Variants in FAM171A1 observed in about 807,000 individuals in gnomAD.
FAM171A1 encodes family with sequence similarity 171 member A1.
In FAM171A1, 23 loss-of-function variants were observed where a neutral mutation model predicts 74.9. The ratio of observed to expected loss-of-function variants is 0.31; its 90% CI spans 0.22 to 0.44. The LOEUF (loss-of-function observed/expected upper bound fraction) is 0.44, where lower values mean the gene tolerates loss of function less well. Ranked by LOEUF, FAM171A1 falls within the 20% of genes least tolerant of loss-of-function variation. The pLI, the probability that FAM171A1 is intolerant of heterozygous loss-of-function variation, is 1.00. For missense variants in FAM171A1, 1,162 were observed against 1,159.2 expected (o/e 1.00, Z -0.03); for synonymous variants, 527 against 505.7 (o/e 1.04, Z -0.57).
rs1835695351 is a variant in FAM171A1 at position 15,336,009 on chromosome 10, A to G, written c.97+34947T>C. On this transcript the variant is annotated intron_variant, in intron 1 of 7. Transcript: ENST00000378116. ...TGCAAGTGACCTCAGATTTTTTTTT[A>G]ACCCAATAATCAGGAACTTAATACA... Among the ~76,000 whole-genome samples, 3 of 152,038 alleles carry G rather than the reference A, an allele frequency of 2.0e-5. No individual in the cohort carries two copies. The South Asian group carries it at 6.2e-4, about 32-fold the overall frequency.
At chr10:15,251,932 C>G (rs533961180) in intron 4 of FAM171A1, among the ~76,000 whole-genome samples, 4 of 152,102 alleles carry the variant, frequency 2.6e-5, no homozygotes, top group Non-Finnish European at 5.9e-5. Flanking sequence ...CTGGCCCAAG[C>G]GAGGAGAGGA....
intron 1 of FAM171A1, among the ~76,000 whole-genome samples, chr10:15,369,876 G>A (rs1475614285): frequency 2.6e-5 from 4 of 152,210 alleles, no homozygotes; most frequent in Admixed American, 2.6e-4. Flanking sequence ...CCTCGGGCTC[G>A]GAATCCCGGG....
At chr10:15,240,372 C>CAT (rs1554833056) in intron 5 of FAM171A1, among the ~76,000 whole-genome samples, 5 of 151,884 alleles carry the variant, frequency 3.3e-5, no homozygotes, top group Non-Finnish European at 5.9e-5. Flanking sequence ...CACACACACA[C>CAT]ATAAAATTAT....
At chr10:15,248,515 G>T in intron 5 of FAM171A1, 124 bp downstream of exon 5, 2 of 1,004,602 alleles carry the variant, frequency 2.0e-6, no homozygotes, top group Non-Finnish European at 1.4e-6. Context: ...ACCACACAAT[G>T]CAATGTGAGC....
At chr10:15,266,866 CAAA>C (rs1156974565) in intron 3 of FAM171A1, among the ~76,000 whole-genome samples, 1 of 55,230 alleles carries the variant, frequency 1.8e-5, no homozygotes, top group Non-Finnish European at 3.8e-5. Flanking sequence ...GAGACTGTTT[CAAA>C]AAAAAAAAAA....
chr10:15,228,158 T>A (rs1405448839), intron 5 of FAM171A1, among the ~76,000 whole-genome samples: 4 of 152,108 alleles, frequency 2.6e-5, no homozygotes, highest in South Asian at 2.1e-4. Flanking sequence ...TTACTCTGCC[T>A]GGAAACTCCC....
chr10:15,307,399 T>C (rs977707175), intron 1 of FAM171A1, among the ~76,000 whole-genome samples: 3 of 151,830 alleles, frequency 2.0e-5, no homozygotes, highest in Non-Finnish European at 4.4e-5. Context: ...AATCACTGCA[T>C]TTTGGAAGGT....
intron 1 of FAM171A1, among the ~76,000 whole-genome samples, chr10:15,318,231 C>A (rs930015555): frequency 6.6e-6 from 1 of 152,106 alleles, no homozygotes; most frequent in African/African-American, 2.4e-5. Flanking sequence ...TAGCAGGAGC[C>A]GGAAATTTTT....
chr10:15,372,698 CAAAAA>C (rs59712649), upstream of FAM171A1, among the ~76,000 whole-genome samples: 4 of 88,702 alleles, frequency 4.5e-5, no homozygotes, highest in South Asian at 4.9e-4. Flanking sequence ...GACCCCGTCT[CAAAAA>C]AAAAAAAAAA....
Position 15,270,753 on chromosome 10 carries a change from C to A in FAM171A1, c.418+5102G>T, listed in dbSNP as rs190661013. On this transcript the variant is annotated intron_variant, in intron 3 of 7. Transcript: ENST00000378116. Reference sequence around the variant, plus strand: ...TGTTCTGCAGCCTCCGCTGGTGATACCCAGGCAAACAGAGTCTGTAGTGGA... The same window carrying A: ...TGTTCTGCAGCCTCCGCTGGTGATAACCAGGCAAACAGAGTCTGTAGTGGA... Among the ~76,000 whole-genome samples, 85 of 152,310 alleles carry A rather than the reference C, an allele frequency of 5.6e-4. No individual in the cohort carries two copies. The East Asian group carries it at 0.014, about 26-fold the overall frequency.
rs565786746 is a variant in FAM171A1, at chr10:15,226,961, G to T, written c.755-5901C>A. 5.9e-5 allele frequency among the ~76,000 whole-genome samples: 9 copies of T among 152,332 alleles called. No homozygotes were observed. The South Asian group carries it at 1.7e-3, about 28-fold the overall frequency. The stretch of plus-strand genomic sequence containing the variant: ...CTGTCTGAAATAAGATACACAGGCA[G>T]TGTGAGGGACAGGAGGACAAAATCA... On this transcript the variant is annotated intron_variant, in intron 5 of 7. Coordinates refer to ENST00000378116, the MANE Select transcript of FAM171A1 (RefSeq NM_001010924.2).
intron 1 of FAM171A1, among the ~76,000 whole-genome samples, chr10:15,356,864 G>C (rs572040220): frequency 6.6e-6 from 1 of 151,998 alleles, no homozygotes; most frequent in Non-Finnish European, 1.5e-5. Flanking sequence ...CCAACTACTC[G>C]GGAGGCTGAG....
chr10:15,255,699 G>A (rs1199225895), intron 3 of FAM171A1, among the ~76,000 whole-genome samples: 1 of 151,366 alleles, frequency 6.6e-6, no homozygotes, highest in African/African-American at 2.4e-5. Flanking sequence ...GCCCAGGCTG[G>A]AGTGCAGCGG....
rs1162146668 is a variant in FAM171A1 at position 15,243,804 on chromosome 10, CA to C, written c.754+4834del. On this transcript the variant is annotated intron_variant, in intron 5 of 7. Transcript: ENST00000378116. ...ATTCTATGTATACAGTCAATGTATA[CA>C]TTGACTGAGCAGCTCACCGCAAGCT... Among the ~76,000 whole-genome samples, 13 of 15,464 alleles carry C rather than the reference CA, an allele frequency of 8.4e-4. No homozygotes were observed. In the South Asian group the frequency reaches 0.019, roughly 23 times the overall value. The allele number at this position is 15,464 out of a possible 152,430, so 10.1% of individuals were successfully genotyped here.
At chr10:15,263,922 T>A (rs1270371408) in intron 3 of FAM171A1, among the ~76,000 whole-genome samples, 1 of 150,894 alleles carries the variant, frequency 6.6e-6, no homozygotes, top group African/African-American at 2.5e-5. Flanking sequence ...CATCCTTCCG[T>A]CCGTCCGTCC....
upstream of FAM171A1, among the ~76,000 whole-genome samples, chr10:15,371,556 C>T (rs971374838): frequency 3.9e-5 from 6 of 152,048 alleles, no homozygotes; most frequent in African/African-American, 1.4e-4. Flanking sequence ...TGGGTGTGAC[C>T]CCCCCACCAG....
At chr10:15,238,628 A>C (rs561990690) in intron 5 of FAM171A1, among the ~76,000 whole-genome samples, 6 of 152,254 alleles carry the variant, frequency 3.9e-5, no homozygotes, top group African/African-American at 1.4e-4. Context: ...CTTAGGTAAA[A>C]GGACTAATTA....
intron 2 of FAM171A1, among the ~76,000 whole-genome samples, chr10:15,283,340 T>G (rs566588382): frequency 5.9e-5 from 9 of 152,330 alleles, no homozygotes; most frequent in Admixed American, 4.6e-4. Flanking sequence ...CTCCTGTCCA[T>G]TCTCCAAGAC....
At chr10:15,279,736 G>C (rs1392793949) in intron 2 of FAM171A1, among the ~76,000 whole-genome samples, 1 of 152,012 alleles carries the variant, frequency 6.6e-6, no homozygotes, top group Non-Finnish European at 1.5e-5. Flanking sequence ...TGGCCAACAT[G>C]GTGAAACCCC....
Sources: allele counts gnomAD v4.1 joint callset (sites outside exome capture counted in the v4.1 genomes callset), GRCh38; gene constraint gnomAD v4.1.1; transcripts MANE v1.5; gene names NCBI Gene and HGNC (gene_info 2026-07-23, HGNC 2026-07-21).